SLC9A9: variants seen among roughly 807,000 people sequenced by gnomAD.
SLC9A9 encodes the protein sodium/hydrogen exchanger 9.
In SLC9A9, 62 loss-of-function variants were observed where a neutral mutation model predicts 77.8. The ratio of observed to expected loss-of-function variants is 0.80; its 90% CI spans 0.65 to 0.98. SLC9A9 has a LOEUF of 0.98. Among genes scored for constraint, SLC9A9 ranks in the 50% least tolerant of loss-of-function variants. The pLI, the probability that SLC9A9 is intolerant of heterozygous loss-of-function variation, is 0.00. For missense variants in SLC9A9, 775 were observed against 774.9 expected, an observed-to-expected ratio of 1.00 and a Z score of 0.00; for synonymous variants, 320 against 283.5, an observed-to-expected ratio of 1.13 and a Z score of -1.29.
chr3:143,509,131 A>G (rs2036074261), intron 9 of SLC9A9, among the ~76,000 whole-genome samples: 1 of 152,204 alleles, frequency 6.6e-6, no homozygotes, highest in Non-Finnish European at 1.5e-5. Flanking sequence ...AGAGTAGAAC[A>G]TTGATTCTTT....
At chr3:143,459,767 A>G (rs912397106) in intron 12 of SLC9A9, among the ~76,000 whole-genome samples, 5 of 151,832 alleles carry the variant, frequency 3.3e-5, no homozygotes, top group African/African-American at 1.2e-4. Flanking sequence ...CTGGCTAAAA[A>G]CTCAGAGTTT....
At chr3:143,709,966 T>C (rs1934095251) in intron 4 of SLC9A9, among the ~76,000 whole-genome samples, 1 of 152,246 alleles carries the variant, frequency 6.6e-6, no homozygotes, top group Non-Finnish European at 1.5e-5. Context: ...TCACAGGTTT[T>C]GCTCAGCACT....
At chr3:143,742,578 G>A (rs985262600) in intron 4 of SLC9A9, among the ~76,000 whole-genome samples, 10 of 152,120 alleles carry the variant, frequency 6.6e-5, no homozygotes, top group African/African-American at 2.4e-4. Flanking sequence ...AACAGAAAAC[G>A]TCTGAGAAAC....
In SLC9A9 at chr3:143,552,413, T is replaced by C; in HGVS notation, c.1038A>G (p.Ala346=). The C allele has an allele frequency of 6.2e-7, 1 of 1,613,312 alleles. No individual in the cohort carries two copies. The highest frequency in any genetic ancestry group is 8.5e-7 in the Non-Finnish European group (1 of 1,179,612). Reference sequence around the variant, plus strand: ...AAGACAGATTGTTGTAGGTATAATGTGCTTGTGTGACTCCACAGAAGAGAA... The same window carrying C: ...AAGACAGATTGTTGTAGGTATAATGCGCTTGTGTGACTCCACAGAAGAGAA... ...VAVLFCGVTQ[A]HYTYNNLSSD... is the part of the protein sequence containing the mutation. Residue 346 remains alanine (A), a synonymous_variant, in exon 9 of 16, where the codon GCA becomes GCG. Coordinates refer to ENST00000316549, the MANE Select transcript of SLC9A9 (RefSeq NM_173653.4).
intron 6 of SLC9A9, among the ~76,000 whole-genome samples, chr3:143,589,084 C>A (rs1005273004): frequency 6.6e-6 from 1 of 152,170 alleles, no homozygotes. Context: ...TTAATCCCCA[C>A]GGTTGAAAAT....
chr3:143,330,767 A>G (rs372387135), intron 14 of SLC9A9, among the ~76,000 whole-genome samples: 9 of 152,258 alleles, frequency 5.9e-5, no homozygotes, highest in Admixed American at 4.6e-4. Context: ...TTAACCTGAT[A>G]TATTATCATT....
intron 14 of SLC9A9, among the ~76,000 whole-genome samples, chr3:143,296,254 TTC>T (rs1362598762): frequency 2.0e-5 from 3 of 152,170 alleles, no homozygotes; most frequent in Non-Finnish European, 4.4e-5. Flanking sequence ...GAAACCACTA[TTC>T]TCTCTTTTTC....
At chr3:143,716,012 G>A (rs1030208214) in intron 4 of SLC9A9, among the ~76,000 whole-genome samples, 5 of 152,198 alleles carry the variant, frequency 3.3e-5, no homozygotes, top group African/African-American at 1.2e-4. Context: ...CAACTTCACT[G>A]TATTTCACAT....
chr3:143,827,627 C>T (rs542273049), intron 2 of SLC9A9, among the ~76,000 whole-genome samples: 1 of 152,124 alleles, frequency 6.6e-6, no homozygotes, highest in Non-Finnish European at 1.5e-5. Flanking sequence ...TCTCTAAGCA[C>T]GTCAATGCCT....
chr3:143,831,032 C>T (rs748517346), intron 2 of SLC9A9, among the ~76,000 whole-genome samples: 7 of 151,798 alleles, frequency 4.6e-5, no homozygotes, highest in African/African-American at 7.3e-5. Flanking sequence ...AATATGAAAA[C>T]AATTATTATA....
intron 4 of SLC9A9, among the ~76,000 whole-genome samples, chr3:143,703,088 C>T (rs142693236): frequency 1.3e-5 from 2 of 151,926 alleles, no homozygotes; most frequent in South Asian, 2.1e-4. Flanking sequence ...AATTTTCGAG[C>T]TAAAGAGTGA....
chr3:143,445,866 A>G (rs530280947), intron 12 of SLC9A9, among the ~76,000 whole-genome samples: 1 of 152,302 alleles, frequency 6.6e-6, no homozygotes, highest in Admixed American at 6.5e-5. Flanking sequence ...ATAAAATGCA[A>G]AGTGAAGCTT....
intron 6 of SLC9A9, among the ~76,000 whole-genome samples, chr3:143,605,749 C>A (rs2037911366): frequency 6.6e-6 from 1 of 152,094 alleles, no homozygotes; most frequent in South Asian, 2.1e-4. Context: ...TTTCGGTGAC[C>A]TTATGACATC....
intron 12 of SLC9A9, among the ~76,000 whole-genome samples, chr3:143,387,292 G>A (rs530508869): frequency 2.1e-4 from 32 of 152,194 alleles, no homozygotes; most frequent in African/African-American, 7.7e-4. Context: ...GAAAAGGAAA[G>A]ATAGAGAAAG....
chr3:143,763,524 A>G (rs1315056678), intron 4 of SLC9A9, among the ~76,000 whole-genome samples: 2 of 152,130 alleles, frequency 1.3e-5, no homozygotes, highest in Non-Finnish European at 2.9e-5. Context: ...ATAAAATACC[A>G]TCATGGATTT....
chr3:143,331,463 A>G (rs1358370154), intron 14 of SLC9A9, among the ~76,000 whole-genome samples: 1 of 152,194 alleles, frequency 6.6e-6, no homozygotes, highest in Non-Finnish European at 1.5e-5. Flanking sequence ...TTGAATAGGG[A>G]ACAAAACAGG....
intron 11 of SLC9A9, among the ~76,000 whole-genome samples, chr3:143,471,988 A>G (rs1390670982): frequency 1.3e-5 from 2 of 152,244 alleles, no homozygotes; most frequent in Non-Finnish European, 2.9e-5. Flanking sequence ...AAAGGGCAAA[A>G]GTGAAGCCTT....
chr3:143,644,185 C>A (rs957907074), intron 6 of SLC9A9, among the ~76,000 whole-genome samples: 3 of 152,170 alleles, frequency 2.0e-5, no homozygotes, highest in African/African-American at 7.2e-5. Context: ...GGCCAGTGGA[C>A]AAATTTTGCT....
intron 12 of SLC9A9, among the ~76,000 whole-genome samples, chr3:143,413,460 C>A (rs779822873): frequency 6.6e-6 from 1 of 152,150 alleles, no homozygotes; most frequent in Non-Finnish European, 1.5e-5. Flanking sequence ...CAGACTCCCA[C>A]CTCAGAGAGA....
Sources: allele counts gnomAD v4.1 joint callset (sites outside exome capture counted in the v4.1 genomes callset), GRCh38; gene constraint gnomAD v4.1.1; transcripts MANE v1.5; gene names NCBI Gene and HGNC (gene_info 2026-07-23, HGNC 2026-07-21).